The following TTN variants were observed in gnomAD, a reference collection of about 807,000 sequenced individuals.
TTN encodes the protein connectin.
TTN carries 1,525 observed loss-of-function variants against 3,223.0 expected under a neutral mutation model. That is an observed-to-expected ratio of 0.47 (90% CI 0.45 to 0.49). The LOEUF (loss-of-function observed/expected upper bound fraction) is 0.49. Ranked by LOEUF, TTN falls within the 20% of genes least tolerant of loss-of-function variation. The probability of loss-of-function intolerance (pLI) is 0.00; values close to 1 mark genes in which losing one functional copy is unlikely to be tolerated. For missense variants in TTN, 40,786 were observed against 43,424.0 expected, an observed-to-expected ratio of 0.94 and a Z score of 5.40; for synonymous variants, 14,094 against 15,161.0, an observed-to-expected ratio of 0.93 and a Z score of 5.17.
At chr2:178,730,428 G>T in intron 61 of TTN, 57 bp from the exon 62 acceptor site, 1 of 1,550,824 alleles carries the variant, frequency 6.4e-7, no homozygotes, top group Non-Finnish European at 8.7e-7. Flanking sequence ...TTATAACTTA[G>T]CAATAAAGGT....
chr2:178,620,337 T>C lies in TTN; in HGVS notation c.46184A>G (p.Glu15395Gly). The change falls in exon 248 of 363, where the codon GAA becomes GGA. Residue 15395 changes from glutamate (E) to glycine (G), a missense_variant. Coordinates refer to ENST00000589042, the MANE Select transcript of TTN (RefSeq NM_001267550.2). ...LIIEAPTEFV[E>G]HLEDQTVTEF... ...AGTGACTGTCTGATCTTCCAAGTGT[T>C]CCACAAATTCTGTCGGGGCTTCTAT... 1 of 1,598,836 alleles carries C rather than the reference T, an allele frequency of 6.3e-7. No individual in the cohort carries two copies. Among genetic ancestry groups the C allele is most frequent in the African/African-American group, 1.3e-5 (1 of 74,568 alleles).
Position 178,734,838 on chromosome 2 carries a change from C to A in TTN, c.15086G>T (p.Arg5029Leu), listed in dbSNP as rs200792058. Reference sequence around the variant, plus strand: ...AGCCTCAGAATTGACAAAATACATTCGGACTGTGTTACTTTCACTGAGTTC... The same window carrying A: ...AGCCTCAGAATTGACAAAATACATTAGGACTGTGTTACTTTCACTGAGTTC... Reference protein sequence around the residue: ...NKELSESNTVRMYFVNSEAIL... With the variant: ...NKELSESNTVLMYFVNSEAIL... Residue 5029 changes from arginine to leucine, a missense_variant, in exon 51 of 363, where the codon CGA becomes CTA. Arg to Leu is a moderately radical substitution (Grantham distance 102). Transcript: ENST00000589042. The A allele has an allele frequency of 6.2e-7, 1 of 1,613,572 alleles. No homozygotes were observed. Among genetic ancestry groups the A allele is most frequent in the African/African-American group, 1.3e-5 (1 of 74,890 alleles).
At chr2:178,644,650 T>C in intron 217 of TTN, 34 bp from the exon 218 acceptor site, 2 of 1,468,858 alleles carry the variant, frequency 1.4e-6, no homozygotes, top group Non-Finnish European at 1.8e-6. Context: ...TTGTTATTTG[T>C]ATATTTAATC....
In TTN at chr2:178,689,558, T is replaced by A. The variant is rs757159077; in HGVS notation, c.31884A>T (p.Lys10628Asn). 3 of 1,610,224 alleles carry A rather than the reference T, an allele frequency of 1.9e-6. No individual in the cohort carries two copies. Among genetic ancestry groups the A allele is most frequent in the African/African-American group, 1.3e-5 (1 of 74,962 alleles). Residue 10628 changes from lysine (K) to asparagine (N), a missense_variant, in exon 123 of 363, where the codon AAA becomes AAT. Transcript: ENST00000589042. ...CCTCTCTTTGAGTTACAATGGTTAT[T>A]TTTTCTTCTGTCACAACTCCCTTCT... Reference protein sequence around the residue: ...EVQKGVVTEEKITIVTQREES... With the variant: ...EVQKGVVTEENITIVTQREES...
rs977496032 is a variant in TTN, at chr2:178,620,476, A to G, written c.46045T>C (p.Tyr15349His). Residue 15349 changes from tyrosine to histidine, a missense_variant, in exon 248 of 363, where the codon TAC (tyrosine) becomes CAC (histidine). Coordinates refer to ENST00000589042, the MANE Select transcript of TTN (RefSeq NM_001267550.2). ...ATGTGCTTGTACTTATCAACTCTGT[A>G]TGAGACACGGTTGTCAAAAGGCACT... is the stretch of plus-strand genomic sequence containing the variant. ...EEVPFDNRVS[Y>H]RVDKYKHMLT... The G allele has an allele frequency of 1.2e-6, 2 of 1,612,348 alleles. No homozygotes were observed. The highest frequency in any genetic ancestry group is 8.5e-7 in the Non-Finnish European group (1 of 1,178,984).
chr2:178,543,747 T>G, intron 346 of TTN, 85 bp from the exon 347 acceptor site: 1 of 1,542,450 alleles, frequency 6.5e-7, no homozygotes, highest in Middle Eastern at 1.8e-4. Flanking sequence ...CATAGTTCCT[T>G]TCTAGAGAGG....
At position 178,698,854 on chromosome 2, in the gene TTN, G is replaced by A; in HGVS notation, c.30743C>T (p.Thr10248Ile). 1.9e-6 allele frequency: 3 copies of A among 1,543,096 alleles called. No homozygotes were observed. Among genetic ancestry groups the A allele is most frequent in the Non-Finnish European group, 2.6e-6 (3 of 1,145,378 alleles). ...ATTAATTATAATACCTTCACGTGGT[G>A]TCATCTCTTTGGGCTTTGCAACAAC... ...KKVVAKPKEM[T>I]PREEIVKKPP... Residue 10248 changes from threonine (T) to isoleucine (I), a missense_variant, in exon 112 of 363, where the codon ACA becomes ATA. Thr to Ile is a moderately conservative substitution (Grantham distance 89, BLOSUM62 -1). Transcript: ENST00000589042.
chr2:178,675,219 A>G (rs977033043), intron 149 of TTN, 106 bp from the exon 150 acceptor site: 2 of 635,424 alleles, frequency 3.1e-6, no homozygotes, highest in African/African-American at 1.9e-5. Context: ...CACAAGGCAC[A>G]TACACAAGAT....
At chr2:178,536,852 C>T in intron 356 of TTN, 86 bp downstream of exon 356, 11 of 1,271,618 alleles carry the variant, frequency 8.7e-6, no homozygotes, top group African/African-American at 1.5e-5. Flanking sequence ...TTGCTATTTC[C>T]TTTCAAAATT....
At position 178,535,428 on chromosome 2, in the gene TTN, A is replaced by G. The variant is rs772513660; in HGVS notation, c.101187T>C (p.Cys33729=). 1.9e-6 allele frequency: 3 copies of G among 1,613,890 alleles called. No individual in the cohort carries two copies. The East Asian group carries it at 6.7e-5, about 36-fold the overall frequency. ...GGAGCCATCTTTCTGCAGTAGTTGC[A>G]CATTTTTCAACAATGTAGTTGGTGA... The part of the protein sequence containing the change: ...SKITNYIVEK[C]ATTAERWLRV... The change falls in exon 358 of 363, where the codon TGT becomes TGC. Residue 33729 remains cysteine (C), a synonymous_variant. Transcript: ENST00000589042.
Position 178,731,034 on chromosome 2 carries a change from G to A in TTN, c.17631C>T (p.Val5877=), listed in dbSNP as rs2080387416. ...CTGTAGAAATAATCTTCAGTATTGA[G>A]ACTGTATCAGTGACACTGATTTTAT... ...SKYKISVTDT[V]SILKIISTEK... is the part of the protein sequence containing the mutation. Residue 5877 remains valine (V), a synonymous_variant, in exon 60 of 363, where the codon GTC becomes GTT. Transcript: ENST00000589042. 1 of 1,613,572 alleles carries A rather than the reference G, an allele frequency of 6.2e-7. No individual in the cohort carries two copies. The highest frequency in any genetic ancestry group is 1.7e-5 in the Admixed American group (1 of 60,000).
Position 178,804,472 on chromosome 2 carries a change from C to T in TTN, c.91+80G>A, listed in dbSNP as rs148127052. 2,755 of 1,390,386 alleles carry T rather than the reference C, an allele frequency of 2.0e-3. 3 individuals are homozygous for T. Among genetic ancestry groups the T allele is most frequent in the Non-Finnish European group, 2.2e-3 (2,147 of 987,604 alleles). 86.1% of individuals were successfully genotyped at this position (1,390,386 alleles called of 1,614,324 possible). On this transcript the variant is annotated intron_variant, in intron 2 of 362. Coordinates refer to ENST00000589042, the MANE Select transcript of TTN (RefSeq NM_001267550.2). ...AAGTGAAAGCAGGGCTTAAACTTGG[C>T]GTCAAGTCCTGCAGCAACGTTAACT...
chr2:178,723,861 A>G lies in TTN; in HGVS notation c.21398T>C (p.Val7133Ala), dbSNP rs2078874176. ...AAGTTTGACTGTCTACTGACCTTGT[A>G]CAGTTAGCACTGCACGACATTCATC... is the stretch of plus-strand genomic sequence containing the variant. ...GSDECRAVLT[V>A]QEPPSFVKEP... Residue 7133 changes from valine to alanine, a missense_variant, in exon 73 of 363, where the codon GTA becomes GCA. Val to Ala is a moderately conservative substitution (Grantham distance 64). Coordinates refer to ENST00000589042, the MANE Select transcript of TTN (RefSeq NM_001267550.2). The G allele has an allele frequency of 1.9e-6, 3 of 1,605,398 alleles. No homozygotes were observed. The highest frequency in any genetic ancestry group is 2.6e-6 in the Non-Finnish European group (3 of 1,173,846).
intron 349 of TTN, 131 bp downstream of exon 349, chr2:178,542,133 C>T: frequency 1.0e-6 from 1 of 975,744 alleles, no homozygotes; most frequent in Non-Finnish European, 1.5e-6. Context: ...GGTTTAGAAA[C>T]CTTAGAAAGA....
At position 178,620,912 on chromosome 2, in the gene TTN, G is replaced by T; in HGVS notation, c.45698C>A (p.Thr15233Asn). ...QEVVFNCEVN[T>N]EGAKAKWFRN... ...GAACCATTTGGCTTTGGCACCTTCAGTATTGACTTCACAGTTGAAGACAAC... is the reference window on the plus strand; with the variant it reads ...GAACCATTTGGCTTTGGCACCTTCATTATTGACTTCACAGTTGAAGACAAC... The change falls in exon 247 of 363, where the codon ACT becomes AAT. Residue 15233 changes from threonine to asparagine, a missense_variant. By Grantham distance (65) the Thr-to-Asn change is moderately conservative (BLOSUM62 0). Coordinates refer to ENST00000589042, the MANE Select transcript of TTN (RefSeq NM_001267550.2). 3.1e-6 allele frequency: 5 copies of T among 1,612,468 alleles called. No individual in the cohort carries two copies. The highest frequency in any genetic ancestry group is 4.2e-6 in the Non-Finnish European group (5 of 1,179,136).
rs531242797 is a variant in TTN, at chr2:178,605,140, C to T, written c.54037G>A (p.Ala18013Thr). 1 of 1,612,646 alleles carries T rather than the reference C, an allele frequency of 6.2e-7. No homozygotes were observed. The highest frequency in any genetic ancestry group is 8.5e-7 in the Non-Finnish European group (1 of 1,179,180). The change falls in exon 280 of 363, where the codon GCA becomes ACA. Residue 18013 changes from alanine to threonine, a missense_variant. Transcript: ENST00000589042. Reference sequence around the variant, plus strand: ...ACCTCTTCCTTGGTTATCTGAAGTGCATCAGTGGGTTTTTCAATTACAGTT... The same window carrying T: ...ACCTCTTCCTTGGTTATCTGAAGTGTATCAGTGGGTTTTTCAATTACAGTT... ...NETVIEKPTD[A>T]LQITKEEVSR...
In TTN at chr2:178,770,255, C is replaced by T; in HGVS notation, c.8446G>A (p.Val2816Ile). The change falls in exon 36 of 363, where the codon GTT becomes ATT. Residue 2816 changes from valine to isoleucine, a missense_variant. Physicochemically the swap from Val to Ile is conservative, Grantham distance 29. Coordinates refer to ENST00000589042, the MANE Select transcript of TTN (RefSeq NM_001267550.2). ...ALENATVAFE[V>I]SVSHDTVPVK... is the part of the protein sequence containing the mutation. ...GGAACAGTGTCATGGGAAACACTAACTTCAAAGGCAACAGTGGCATTTTCC... is the reference window on the plus strand; with the variant it reads ...GGAACAGTGTCATGGGAAACACTAATTTCAAAGGCAACAGTGGCATTTTCC... 1 of 1,614,142 alleles carries T rather than the reference C, an allele frequency of 6.2e-7. No individual in the cohort carries two copies. Among genetic ancestry groups the T allele is most frequent in the African/African-American group, 1.3e-5 (1 of 75,056 alleles).
rs745321775 is a variant in TTN, at chr2:178,706,961, A to T, written c.29042-7T>A. The T allele has an allele frequency of 1.9e-6, 3 of 1,598,168 alleles. No homozygotes were observed. The highest frequency in any genetic ancestry group is 2.6e-6 in the Non-Finnish European group (3 of 1,172,282). On this transcript the variant is annotated splice_polypyrimidine_tract_variant and splice_region_variant and intron_variant, in intron 100 of 362. Coordinates refer to ENST00000589042, the MANE Select transcript of TTN (RefSeq NM_001267550.2). ...GGGGCCACAGCTGGTTTGTCTGAAAAAACATTTACATGTTTTGTTACTACA... is the reference window on the plus strand; with the variant it reads ...GGGGCCACAGCTGGTTTGTCTGAAATAACATTTACATGTTTTGTTACTACA...
Position 178,569,163 on chromosome 2 carries a change from T to G in TTN, c.76969A>C (p.Lys25657Gln). 6.2e-7 allele frequency: 1 copy of G among 1,613,310 alleles called. No homozygotes were observed. Among genetic ancestry groups the G allele is most frequent in the Non-Finnish European group, 8.5e-7 (1 of 1,179,510 alleles). Residue 25657 changes from lysine to glutamine, a missense_variant, in exon 326 of 363, where the codon AAG becomes CAG. By Grantham distance (53) the Lys-to-Gln change is moderately conservative (BLOSUM62 1). Transcript: ENST00000589042. ...AGCTGATCGATTTTCCAAGAATTCTTATGGCAGTTAGTTACAACAGCAGCA... is the reference window on the plus strand; with the variant it reads ...AGCTGATCGATTTTCCAAGAATTCTGATGGCAGTTAGTTACAACAGCAGCA... ...SYAAVVTNCH[K>Q]NSWKIDQLQE... is the part of the protein sequence containing the mutation.
Sources: allele counts gnomAD v4.1 joint callset, GRCh38; gene constraint gnomAD v4.1.1; transcripts MANE v1.5; gene names NCBI Gene and HGNC (gene_info 2026-07-23, HGNC 2026-07-21).